ADAM12: variants seen among roughly 807,000 people sequenced by gnomAD.
ADAM12 encodes the protein disintegrin and metalloproteinase domain-containing protein 12.
ADAM12 carries 70 observed loss-of-function variants against 106.4 expected under a neutral mutation model. That is an observed-to-expected ratio of 0.66 (90% confidence interval 0.54 to 0.80). The LOEUF (loss-of-function observed/expected upper bound fraction) is 0.80. Among genes scored for constraint, ADAM12 ranks in the 30% least tolerant of loss-of-function variants. The pLI is 0.00. For missense variants in ADAM12, 1,010 were observed against 1,171.9 expected, an observed-to-expected ratio of 0.86 and a Z score of 2.02; for synonymous variants, 420 against 433.5, an observed-to-expected ratio of 0.97 and a Z score of 0.39.
intron 3 of ADAM12, among the ~76,000 whole-genome samples, chr10:126,206,661 G>C (rs1957800187): frequency 6.6e-6 from 1 of 152,166 alleles, no homozygotes; most frequent in Non-Finnish European, 1.5e-5. Flanking sequence ...TGGCTGGCAA[G>C]TACCAACATT....
At chr10:126,113,687 AATAT>A (rs71309278) in intron 6 of ADAM12, among the ~76,000 whole-genome samples, 383 of 24,010 alleles carry the variant, frequency 0.016, 5 homozygotes, top group Non-Finnish European at 0.02. Context: ...AAAAAAAAAA[AATAT>A]ATATATATAT....
chr10:126,307,193 G>A (rs1960882997), intron 2 of ADAM12, among the ~76,000 whole-genome samples: 3 of 152,222 alleles, frequency 2.0e-5, no homozygotes, highest in Admixed American at 6.5e-5. Flanking sequence ...GTAGAATCCA[G>A]GTCACTACTG....
rs1167560657 is a variant in ADAM12 at position 126,015,920 on chromosome 10, TTGAAGAG to T, written c.*1352_*1358del. 2.6e-5 allele frequency: 4 copies of T among 152,184 alleles called. No individual in the cohort carries two copies. The highest frequency in any genetic ancestry group is 9.7e-5 in the African/African-American group (4 of 41,444). The allele number at this position is 152,184 out of a possible 1,614,324, so 9.4% of individuals were successfully genotyped here. On this transcript the variant is annotated 3_prime_UTR_variant, in exon 23 of 23. Coordinates refer to ENST00000448723, the MANE Select transcript of ADAM12 (RefSeq NM_001288973.2). The stretch of plus-strand genomic sequence containing the variant: ...GAAACATGGCTCCCTAGTCAGGCAT[TTGAAGAG>T]TGAAGAGTTCAAGGGGATGCTGCCC...
At chr10:126,086,680 A>AAAAAAATATATATATATATATAT (rs1554966976) in intron 11 of ADAM12, among the ~76,000 whole-genome samples, 4 of 24,256 alleles carry the variant, frequency 1.6e-4, no homozygotes, top group Admixed American at 7.9e-4. Context: ...AAAAAAAAAA[A>AAAAAAATATATATATATATATAT]ATATATATAT....
At chr10:126,140,822 T>G (rs148082396) in intron 4 of ADAM12, among the ~76,000 whole-genome samples, 49 of 152,322 alleles carry the variant, frequency 3.2e-4, no homozygotes, top group African/African-American at 1.1e-3. Context: ...TGTCACACCA[T>G]GCATCACGTG....
chr10:126,113,396 A>T (rs1565067095), intron 6 of ADAM12, among the ~76,000 whole-genome samples: 2 of 151,876 alleles, frequency 1.3e-5, no homozygotes, highest in Non-Finnish European at 1.5e-5. Flanking sequence ...GTGGTGGCTT[A>T]CGCCTGTAAT....
chr10:126,065,925 C>T (rs1954857963), intron 13 of ADAM12, among the ~76,000 whole-genome samples: 1 of 152,112 alleles, frequency 6.6e-6, no homozygotes, highest in African/African-American at 2.4e-5. Context: ...TTATAACATT[C>T]CCCAGAAGTT....
In ADAM12 at chr10:126,312,720, A is replaced by T. The variant is rs560734896; in HGVS notation, c.186+17692T>A. 1.5e-3 allele frequency among the ~76,000 whole-genome samples: 222 copies of T among 152,228 alleles called. 2 individuals carry two copies. Among genetic ancestry groups the T allele is most frequent in the African/African-American group, 5.2e-3 (217 of 41,548 alleles). ...TTATTAAATACTGTTTATGTTGTAG[A>T]CTTTGCCCTTCTTCAGCAGCAAGCA... On this transcript the variant is annotated intron_variant, in intron 2 of 22. Transcript: ENST00000448723.
chr10:126,246,204 C>T (rs1272259651), intron 3 of ADAM12, among the ~76,000 whole-genome samples: 1 of 152,124 alleles, frequency 6.6e-6, no homozygotes, highest in African/African-American at 2.4e-5. Flanking sequence ...AAAAAGATAA[C>T]CCTCTTTCTC....
chr10:126,251,615 T>TGGAAG (rs1468829468), intron 3 of ADAM12, among the ~76,000 whole-genome samples: 1 of 140,232 alleles, frequency 7.1e-6, no homozygotes, highest in South Asian at 2.3e-4. Context: ...GATGGATGCA[T>TGGAAG]GGATAGATGA....
intron 11 of ADAM12, among the ~76,000 whole-genome samples, chr10:126,093,182 C>G (rs562077336): frequency 6.6e-6 from 1 of 152,244 alleles, no homozygotes; most frequent in Non-Finnish European, 1.5e-5. Flanking sequence ...TTGTATCCAG[C>G]GCATGCTTCC....
intron 17 of ADAM12, among the ~76,000 whole-genome samples, chr10:126,045,311 GA>G (rs1445883557): frequency 1.3e-5 from 2 of 152,300 alleles, no homozygotes; most frequent in Non-Finnish European, 2.9e-5. Flanking sequence ...ACCCCCATCT[GA>G]GGTGACACTG....
At chr10:126,183,900 T>C (rs1957356993) in intron 3 of ADAM12, among the ~76,000 whole-genome samples, 2 of 152,254 alleles carry the variant, frequency 1.3e-5, no homozygotes, top group African/African-American at 4.8e-5. Context: ...TACTGAATTC[T>C]GTGACGAACA....
intron 3 of ADAM12, among the ~76,000 whole-genome samples, chr10:126,254,456 G>C (rs868809845): frequency 2.0e-5 from 3 of 152,206 alleles, no homozygotes; most frequent in Non-Finnish European, 4.4e-5. Flanking sequence ...ACCCCAGCAA[G>C]AGCAACTGAC....
rs376940738 is a variant in ADAM12, at chr10:126,330,407, C to T, written c.186+5G>A. On this transcript the variant is annotated splice_donor_5th_base_variant and intron_variant, in intron 2 of 22. Coordinates refer to ENST00000448723, the MANE Select transcript of ADAM12 (RefSeq NM_001288973.2). ...CTCAAAGCTGAGAAAAGGAGAGGAA[C>T]TCACCTTGGAGTCGAAGCTCTTCAC... The T allele has an allele frequency of 4.9e-5, 79 of 1,609,524 alleles. No homozygotes were observed. Among genetic ancestry groups the T allele is most frequent in the Non-Finnish European group, 6.4e-5 (75 of 1,178,394 alleles).
intron 11 of ADAM12, among the ~76,000 whole-genome samples, chr10:126,081,285 T>C (rs1306387386): frequency 6.6e-6 from 1 of 152,144 alleles, no homozygotes; most frequent in Non-Finnish European, 1.5e-5. Context: ...TGAGAACAGC[T>C]TGGAGCCGAC....
intron 1 of ADAM12, among the ~76,000 whole-genome samples, chr10:126,331,951 G>A (rs1489597893): frequency 6.6e-6 from 1 of 152,124 alleles, no homozygotes; most frequent in African/African-American, 2.4e-5. Flanking sequence ...TGGCTGCAAG[G>A]GTGCAACCAC....
At chr10:126,361,948 C>T (rs1290327932) in intron 1 of ADAM12, among the ~76,000 whole-genome samples, 2 of 151,840 alleles carry the variant, frequency 1.3e-5, no homozygotes, top group Non-Finnish European at 2.9e-5. Context: ...TTACATCAAA[C>T]TAAAAAGCTT....
chr10:126,143,405 G>A (rs1332949351), intron 4 of ADAM12, among the ~76,000 whole-genome samples: 1 of 148,710 alleles, frequency 6.7e-6, no homozygotes, highest in Non-Finnish European at 1.5e-5. Flanking sequence ...TGTATATGGT[G>A]TGCAGATGTG....
Sources: allele counts gnomAD v4.1 joint callset (sites outside exome capture counted in the v4.1 genomes callset), GRCh38; gene constraint gnomAD v4.1.1; transcripts MANE v1.5; gene names NCBI Gene and HGNC (gene_info 2026-07-23, HGNC 2026-07-21).